NTM: variants seen among roughly 807,000 people sequenced by gnomAD.
NTM encodes the protein neurotrimin, also known as IgLON family member 2.
Under a neutral mutation model 42.1 loss-of-function variants are expected in NTM, and 13 were observed. The observed-to-expected ratio is 0.31, with a 90% CI of 0.20 to 0.49. NTM has a LOEUF of 0.49. Among genes scored for constraint, NTM ranks in the 20% least tolerant of loss-of-function variants. The pLI is 0.99. For missense variants in NTM, 373 were observed against 452.8 expected (o/e 0.82, Z 1.60); for synonymous variants, 187 against 179.2 (o/e 1.04, Z -0.35).
intron 2 of NTM, among the ~76,000 whole-genome samples, chr11:131,969,742 C>G (rs1189548676): frequency 6.6e-6 from 1 of 152,252 alleles, no homozygotes; most frequent in African/African-American, 2.4e-5. Flanking sequence ...AACCTGCTCT[C>G]TAACCCCAGG....
At chr11:131,685,004 C>T (rs1339991040) in intron 1 of NTM, among the ~76,000 whole-genome samples, 2 of 152,220 alleles carry the variant, frequency 1.3e-5, no homozygotes, top group African/African-American at 2.4e-5. Context: ...CTCCGAGCTG[C>T]TCAGGGCTGG....
intron 2 of NTM, among the ~76,000 whole-genome samples, chr11:132,026,246 G>A (rs887462314): frequency 6.6e-6 from 1 of 152,182 alleles, no homozygotes; most frequent in Admixed American, 6.5e-5. Context: ...CTGGCAGTAA[G>A]AGCTTAGTGT....
intron 2 of NTM, among the ~76,000 whole-genome samples, chr11:132,100,231 G>A (rs1487747882): frequency 2.6e-5 from 4 of 152,234 alleles, no homozygotes; most frequent in Non-Finnish European, 4.4e-5. Context: ...GCAGTCACTC[G>A]TGGGAGCAAT....
intron 2 of NTM, among the ~76,000 whole-genome samples, chr11:132,078,505 G>A (rs2058642243): frequency 6.6e-6 from 1 of 152,166 alleles, no homozygotes; most frequent in Non-Finnish European, 1.5e-5. Flanking sequence ...TTGCTAATTA[G>A]CAATTAGCCG....
At chr11:131,626,688 A>G (rs548248771) in intron 1 of NTM, among the ~76,000 whole-genome samples, 143 of 152,358 alleles carry the variant, frequency 9.4e-4, no homozygotes, top group African/African-American at 3.3e-3. Context: ...CTGGAACCCA[A>G]GAATCTGCAA....
intron 1 of NTM, among the ~76,000 whole-genome samples, chr11:131,890,413 TA>T (rs1349774834): frequency 9.8e-5 from 15 of 152,296 alleles, no homozygotes; most frequent in Admixed American, 9.2e-4. Context: ...CCTCCTGTAA[TA>T]ACCACCAGCA....
chr11:131,886,439 C>T (rs1321066005), intron 1 of NTM, among the ~76,000 whole-genome samples: 1 of 152,224 alleles, frequency 6.6e-6, no homozygotes, highest in East Asian at 1.9e-4. Context: ...CCTGGGGATG[C>T]AATGGTTTTG....
chr11:131,461,500 A>G (rs890180224), intron 1 of NTM, among the ~76,000 whole-genome samples: 1 of 152,222 alleles, frequency 6.6e-6, no homozygotes, highest in Non-Finnish European at 1.5e-5. Context: ...AAAGAAGTTG[A>G]ACTCAGAGAA....
intron 1 of NTM, among the ~76,000 whole-genome samples, chr11:131,621,340 G>T (rs1423984412): frequency 6.6e-6 from 1 of 151,868 alleles, no homozygotes; most frequent in Non-Finnish European, 1.5e-5. Flanking sequence ...CACTTTTTTT[G>T]CCAAGTGGTC....
At chr11:131,429,543 C>G (rs574933159) in intron 1 of NTM, among the ~76,000 whole-genome samples, 1 of 152,096 alleles carries the variant, frequency 6.6e-6, no homozygotes, top group South Asian at 2.1e-4. Context: ...ATAATAAGGA[C>G]AAAAAGTGAC....
rs74562670 is a variant in NTM, at chr11:132,315,530, C to A, written c.934+827C>A. Among the ~76,000 whole-genome samples the A allele has an allele frequency of 7.6e-3, 1,163 of 152,264 alleles. 14 individuals are homozygous for A. Among genetic ancestry groups the A allele is most frequent in the African/African-American group, 0.026 (1,073 of 41,524 alleles). On this transcript the variant is annotated intron_variant, in intron 7 of 8. Coordinates refer to ENST00000683400, the MANE Select transcript of NTM (RefSeq NM_001352005.2). ...TCTTTGAGCTTGAGATTTTTCAAAC[C>A]TGTCTCCCCAATCCCTCATGTTAAC...
intron 1 of NTM, among the ~76,000 whole-genome samples, chr11:131,716,518 A>G (rs1184026988): frequency 6.6e-6 from 1 of 152,154 alleles, no homozygotes; most frequent in African/African-American, 2.4e-5. Flanking sequence ...CTTCCGTATC[A>G]TTTCCAACTT....
rs111311361 is a variant in NTM, at chr11:131,805,685, A to T, written c.83-105879A>T. Among the ~76,000 whole-genome samples, 1,111 of 152,302 alleles carry T rather than the reference A, an allele frequency of 7.3e-3. 6 individuals are homozygous for T. Among genetic ancestry groups the T allele is most frequent in the African/African-American group, 0.025 (1,034 of 41,564 alleles). ...TTCTTTCTTCTTTAAGAGACTTAAC[A>T]TTTTATGACTTCAGCATATTCATAC... On this transcript the variant is annotated intron_variant, in intron 1 of 8. Coordinates refer to ENST00000683400, the MANE Select transcript of NTM (RefSeq NM_001352005.2).
At chr11:131,720,548 TCTTACTCCAATAAAA>T (rs1798565090) in intron 1 of NTM, among the ~76,000 whole-genome samples, 1 of 152,186 alleles carries the variant, frequency 6.6e-6, no homozygotes, top group African/African-American at 2.4e-5. Flanking sequence ...CAGATGAGAT[TCTTACTCCAATAAAA>T]CTGCAGCCTA....
intron 1 of NTM, among the ~76,000 whole-genome samples, chr11:131,733,455 C>CTTCCTTCT: frequency 7.5e-6 from 1 of 132,686 alleles, no homozygotes; most frequent in African/African-American, 3.1e-5. Flanking sequence ...TCCTTCCTTC[C>CTTCCTTCT]TTCCTTCTTT....
intron 1 of NTM, among the ~76,000 whole-genome samples, chr11:131,572,840 A>G (rs2057577281): frequency 6.6e-6 from 1 of 152,208 alleles, no homozygotes; most frequent in Non-Finnish European, 1.5e-5. Flanking sequence ...TCTTCTGCTG[A>G]TGAAGGAGAA....
At chr11:132,006,105 G>T (rs1241877568) in intron 2 of NTM, among the ~76,000 whole-genome samples, 1 of 152,008 alleles carries the variant, frequency 6.6e-6, no homozygotes, top group Non-Finnish European at 1.5e-5. Context: ...ATCCCATTTG[G>T]CTAATGCATC....
Position 131,991,786 on chromosome 11 carries a change from A to G in NTM, c.167+80138A>G, listed in dbSNP as rs577099760. 2.0e-5 allele frequency among the ~76,000 whole-genome samples: 3 copies of G among 152,326 alleles called. No homozygotes were observed. The South Asian group carries it at 6.2e-4, about 32-fold the overall frequency. On this transcript the variant is annotated intron_variant, in intron 2 of 8. Transcript: ENST00000683400. ...AATGCATTCTGGACATGTACCTGCC[A>G]TTGCATTCACAAAGGCAGGCAAGAA...
chr11:132,260,757 G>A lies in NTM; in HGVS notation c.527-46932G>A, dbSNP rs572901806. ...ACCAGATGGGAAAGCCTTCGTCTCC[G>A]GGGCATGGCCTAAAACACAGCTGAA... On this transcript the variant is annotated intron_variant, in intron 4 of 8. Coordinates refer to ENST00000683400, the MANE Select transcript of NTM (RefSeq NM_001352005.2). Among the ~76,000 whole-genome samples, 19 of 152,300 alleles carry A rather than the reference G, an allele frequency of 1.2e-4. 1 individual carries two copies. In the South Asian group the frequency reaches 3.1e-3, roughly 25 times the overall value.
Sources: allele counts gnomAD v4.1 joint callset (sites outside exome capture counted in the v4.1 genomes callset), GRCh38; gene constraint gnomAD v4.1.1; transcripts MANE v1.5; gene names NCBI Gene and HGNC (gene_info 2026-07-23, HGNC 2026-07-21).